Variants in SLMAP observed in about 807,000 individuals in gnomAD.
The protein encoded by SLMAP is sarcolemma associated protein.
In SLMAP, 44 loss-of-function variants were observed where a neutral mutation model predicts 128.8. The observed-to-expected ratio is 0.34, with a 90% CI of 0.27 to 0.44. SLMAP has a LOEUF of 0.44. Ranked by LOEUF, SLMAP falls within the 20% of genes least tolerant of loss-of-function variation. SLMAP has a pLI of 1.00. For missense variants in SLMAP, 787 were observed against 985.3 expected (o/e 0.80, Z 2.69); for synonymous variants, 327 against 348.8 (o/e 0.94, Z 0.70).
intron 14 of SLMAP, among the ~76,000 whole-genome samples, chr3:57,884,597 C>G (rs914547510): frequency 2.0e-5 from 3 of 152,110 alleles, no homozygotes; most frequent in Non-Finnish European, 4.4e-5. Flanking sequence ...TGCTTGAGCT[C>G]AGGAGTTCGA....
In SLMAP at chr3:57,913,254, G is replaced by A. The variant is rs762620820; in HGVS notation, c.2117G>A (p.Arg706Gln). The change falls in exon 21 of 25, where the codon CGG becomes CAG. Residue 706 changes from arginine (R) to glutamine (Q), a missense_variant. By Grantham distance (43) the Arg-to-Gln change is conservative (BLOSUM62 1). Around this residue, in one of 2 missense-constraint regions of SLMAP, gnomAD observed 715 missense variants for 843.6 expected, o/e 0.85. Transcript: ENST00000671191. Reference sequence around the variant, plus strand: ...GTTTTGCTATCATCAGAACTGCAACGGCAAGAAAAAGAATTGCACAAGTAT... The same window carrying A: ...GTTTTGCTATCATCAGAACTGCAACAGCAAGAAAAAGAATTGCACAAGTAT... The part of the protein sequence containing the change: ...ENVLLSSELQ[R>Q]QEKELHNSQK... 34 of 1,559,110 alleles carry A rather than the reference G, an allele frequency of 2.2e-5. No individual in the cohort carries two copies. Among genetic ancestry groups the A allele is most frequent in the Non-Finnish European group, 2.9e-5 (33 of 1,138,310 alleles).
At chr3:57,838,790 G>T (rs898251922) in intron 3 of SLMAP, among the ~76,000 whole-genome samples, 1 of 152,166 alleles carries the variant, frequency 6.6e-6, no homozygotes, top group Non-Finnish European at 1.5e-5. Context: ...GGCTGTGAAA[G>T]GTAAAGTGCT....
At chr3:57,811,622 C>A (rs1053196328) in intron 2 of SLMAP, among the ~76,000 whole-genome samples, 15 of 152,126 alleles carry the variant, frequency 9.9e-5, no homozygotes, top group African/African-American at 3.4e-4. Flanking sequence ...ATTGCTGGAT[C>A]ATATGGTAAT....
At position 57,851,823 on chromosome 3, in the gene SLMAP, C is replaced by G. The variant is rs181807476; in HGVS notation, c.519+2007C>G. On this transcript the variant is annotated intron_variant, in intron 6 of 24. Transcript: ENST00000671191. ...TATCTTAGTTCTGCTACTCAACCCA[C>G]TTTTGTGACCTTGAGTGAGTCATTT... Among the ~76,000 whole-genome samples, 160 of 152,084 alleles carry G rather than the reference C, an allele frequency of 1.1e-3. 2 individuals are homozygous for G. Among genetic ancestry groups the G allele is most frequent in the Admixed American group, 8.6e-3 (131 of 15,274 alleles).
intron 13 of SLMAP, among the ~76,000 whole-genome samples, chr3:57,869,640 A>ATATATAT (rs1553900361): frequency 2.4e-5 from 3 of 127,214 alleles, no homozygotes; most frequent in African/African-American, 9.5e-5. Flanking sequence ...TTATATATAT[A>ATATATAT]TATATATATA....
chr3:57,907,771 AGTT>A, intron 17 of SLMAP, 110 bp from the exon 18 acceptor site: 2 of 950,124 alleles, frequency 2.1e-6, no homozygotes, highest in Non-Finnish European at 3.0e-6. Flanking sequence ...TATTTAACTC[AGTT>A]GTTCTATGTT....
chr3:57,868,456 TGGCA>T (rs1350733217), intron 13 of SLMAP, among the ~76,000 whole-genome samples: 1 of 151,418 alleles, frequency 6.6e-6, no homozygotes, highest in Non-Finnish European at 1.5e-5. Context: ...TGAGGTGTGG[TGGCA>T]TGTGCCTGTA....
chr3:57,867,726 T>C (rs2095346151), intron 13 of SLMAP, among the ~76,000 whole-genome samples: 1 of 152,190 alleles, frequency 6.6e-6, no homozygotes, highest in South Asian at 2.1e-4. Flanking sequence ...ACCCATATTA[T>C]ATAATTTTAA....
chr3:57,887,482 C>T (rs1304398123), intron 14 of SLMAP, among the ~76,000 whole-genome samples: 1 of 152,008 alleles, frequency 6.6e-6, no homozygotes, highest in East Asian at 1.9e-4. Flanking sequence ...AAAGTGCTGG[C>T]ATTACAGGCA....
chr3:57,817,235 A>G (rs2091965264), intron 2 of SLMAP, among the ~76,000 whole-genome samples: 1 of 152,150 alleles, frequency 6.6e-6, no homozygotes, highest in African/African-American at 2.4e-5. Flanking sequence ...CAATTGAGAG[A>G]TTTTACTGAA....
chr3:57,890,177 G>A, intron 15 of SLMAP, 77 bp downstream of exon 15: 1 of 1,411,110 alleles, frequency 7.1e-7, no homozygotes, highest in Non-Finnish European at 1.0e-6. Context: ...CAAGGTTATA[G>A]TATTTTAACC....
intron 3 of SLMAP, among the ~76,000 whole-genome samples, chr3:57,832,223 G>A (rs1036931526): frequency 6.6e-6 from 1 of 152,160 alleles, no homozygotes; most frequent in Non-Finnish European, 1.5e-5. Context: ...GGAGCAAGAA[G>A]ATCTATGATT....
At chr3:57,906,674 A>T (rs868662486) in intron 17 of SLMAP, among the ~76,000 whole-genome samples, 718 of 67,480 alleles carry the variant, frequency 0.011, 23 homozygotes, top group African/African-American at 0.017. Flanking sequence ...ATGAAAAAAA[A>T]ATATATATAT....
chr3:57,880,512 A>T (rs1306727210), intron 14 of SLMAP, among the ~76,000 whole-genome samples: 1 of 152,064 alleles, frequency 6.6e-6, no homozygotes, highest in Non-Finnish European at 1.5e-5. Flanking sequence ...CTTGTATGTC[A>T]TTTTTTATAA....
At chr3:57,819,121 T>G (rs1029147247) in intron 2 of SLMAP, among the ~76,000 whole-genome samples, 2 of 152,190 alleles carry the variant, frequency 1.3e-5, no homozygotes, top group African/African-American at 4.8e-5. Flanking sequence ...TCACTTATGG[T>G]CCCCAGAAAG....
At chr3:57,905,786 G>A (rs1437998623) in intron 17 of SLMAP, among the ~76,000 whole-genome samples, 3 of 152,002 alleles carry the variant, frequency 2.0e-5, no homozygotes, top group South Asian at 2.1e-4. Flanking sequence ...TTAACATACA[G>A]CAATAGTCCT....
chr3:57,806,897 G>A (rs1038986792), intron 2 of SLMAP, among the ~76,000 whole-genome samples: 4 of 152,162 alleles, frequency 2.6e-5, no homozygotes, highest in Non-Finnish European at 5.9e-5. Flanking sequence ...GTGATTGCTG[G>A]GTTAAATGGT....
At chr3:57,922,315 G>A (rs2096932996) in intron 22 of SLMAP, among the ~76,000 whole-genome samples, 1 of 151,846 alleles carries the variant, frequency 6.6e-6, no homozygotes, top group South Asian at 2.1e-4. Flanking sequence ...TGGTGGAAAA[G>A]TGATCCTTTA....
At chr3:57,839,679 C>T (rs2093828009) in intron 3 of SLMAP, among the ~76,000 whole-genome samples, 1 of 152,092 alleles carries the variant, frequency 6.6e-6, no homozygotes, top group African/African-American at 2.4e-5. Context: ...TCTTGGCTCA[C>T]TGCAACCTCT....
Sources: allele counts gnomAD v4.1 joint callset (sites outside exome capture counted in the v4.1 genomes callset), GRCh38; gene constraint gnomAD v4.1.1; regional missense constraint gnomAD v4.1.1; transcripts MANE v1.5; gene names NCBI Gene and HGNC (gene_info 2026-07-23, HGNC 2026-07-21).